ACVR1: variants seen among roughly 807,000 people sequenced by gnomAD.
ACVR1 encodes activin A receptor type 1, also known as activin receptor type-1.
In ACVR1, 38 loss-of-function variants were observed where a neutral mutation model predicts 57.1. The ratio of observed to expected loss-of-function variants is 0.67; its 90% CI spans 0.51 to 0.87. ACVR1 has a LOEUF of 0.87. ACVR1 is among the 40% of genes least tolerant of loss of function. The probability of loss-of-function intolerance (pLI) is 0.00; values close to 1 mark genes in which losing one functional copy is unlikely to be tolerated. For missense variants in ACVR1, 463 were observed against 638.2 expected, an observed-to-expected ratio of 0.73 and a Z score of 2.96; for synonymous variants, 212 against 228.1, an observed-to-expected ratio of 0.93 and a Z score of 0.63.
intron 1 of ACVR1, among the ~76,000 whole-genome samples, chr2:157,863,494 C>T (rs1438167812): frequency 3.3e-5 from 5 of 150,394 alleles, no homozygotes; most frequent in African/African-American, 9.8e-5. Flanking sequence ...GTCAGGAGTT[C>T]GAGACCAGCC....
rs371113403 is a variant in ACVR1, at chr2:157,785,887, C to T, written c.68-5287G>A. Among the ~76,000 whole-genome samples, 127 of 152,302 alleles carry T rather than the reference C, an allele frequency of 8.3e-4. 1 individual carries two copies. Among genetic ancestry groups the T allele is most frequent in the African/African-American group, 3.0e-3 (126 of 41,562 alleles). ...TTCAGATACACAAGCCTGACTCTCT[C>T]GGGCTTCCATCACACTCAAAGTAGA... On this transcript the variant is annotated intron_variant, in intron 3 of 10. Transcript: ENST00000434821.
chr2:157,815,794 C>T (rs895349232), intron 2 of ACVR1, among the ~76,000 whole-genome samples: 5 of 152,180 alleles, frequency 3.3e-5, no homozygotes, highest in African/African-American at 1.2e-4. Context: ...AAAAATTTCA[C>T]AAAACTGACA....
intron 1 of ACVR1, among the ~76,000 whole-genome samples, chr2:157,851,938 G>C (rs1330527419): frequency 9.0e-6 from 1 of 111,112 alleles, no homozygotes; most frequent in Non-Finnish European, 1.7e-5. Context: ...CCCAGTCCTG[G>C]CATTTGGTAG....
intron 9 of ACVR1, among the ~76,000 whole-genome samples, chr2:157,744,535 C>T (rs1684889346): frequency 6.6e-6 from 1 of 152,150 alleles, no homozygotes; most frequent in African/African-American, 2.4e-5. Flanking sequence ...ACAAAATTAA[C>T]TTTGAAAAGA....
chr2:157,776,149 TC>T (rs1305869677), intron 5 of ACVR1, among the ~76,000 whole-genome samples: 2 of 152,264 alleles, frequency 1.3e-5, no homozygotes, highest in Non-Finnish European at 2.9e-5. Flanking sequence ...TAAATAGTGT[TC>T]TTTACTGTGT....
intron 3 of ACVR1, among the ~76,000 whole-genome samples, chr2:157,782,092 A>C (rs1396141401): frequency 2.6e-5 from 4 of 152,190 alleles, no homozygotes; most frequent in Non-Finnish European, 5.9e-5. Context: ...TGTCAAGTTC[A>C]TTTACACAGA....
chr2:157,792,545 G>C (rs1686957126), intron 3 of ACVR1, among the ~76,000 whole-genome samples: 1 of 152,216 alleles, frequency 6.6e-6, no homozygotes, highest in African/African-American at 2.4e-5. Context: ...TCAGGTGTCA[G>C]AGCTGTCACA....
chr2:157,770,546 C>T (rs960419183), intron 6 of ACVR1, 32 bp from the exon 7 acceptor site: 4 of 1,613,464 alleles, frequency 2.5e-6, no homozygotes, highest in African/African-American at 2.7e-5. Context: ...TGACACAGAA[C>T]AGTAGTCATT....
intron 1 of ACVR1, among the ~76,000 whole-genome samples, chr2:157,868,875 C>T (rs188764414): frequency 1.6e-4 from 25 of 152,168 alleles, no homozygotes; most frequent in Middle Eastern, 6.8e-3. Flanking sequence ...ACAAAGAAGA[C>T]GGGAAAAGAT....
chr2:157,811,983 T>C (rs1687768334), intron 2 of ACVR1, among the ~76,000 whole-genome samples: 1 of 152,248 alleles, frequency 6.6e-6, no homozygotes, highest in South Asian at 2.1e-4. Flanking sequence ...GACTAGAATT[T>C]TGTGTCAAAT....
chr2:157,782,935 C>T (rs1364167397), intron 3 of ACVR1, among the ~76,000 whole-genome samples: 8 of 152,206 alleles, frequency 5.3e-5, no homozygotes, highest in South Asian at 2.1e-4. Flanking sequence ...AAGGGGTTAG[C>T]ACTGGGATGA....
At chr2:157,855,336 ACACAC>A (rs749511829) in intron 1 of ACVR1, among the ~76,000 whole-genome samples, 80 of 141,178 alleles carry the variant, frequency 5.7e-4, no homozygotes, top group African/African-American at 1.9e-3. Context: ...ACACACACAC[ACACAC>A]ACACAAAAAT....
intron 8 of ACVR1, among the ~76,000 whole-genome samples, chr2:157,763,060 T>C (rs11887697): frequency 0.013 from 1,981 of 152,324 alleles, 15 homozygotes; most frequent in Middle Eastern, 0.037. Flanking sequence ...TAATAAGTAA[T>C]TTTTACACTA....
chr2:157,778,097 T>C lies in ACVR1; in HGVS notation c.543+34A>G, dbSNP rs146579131. On this transcript the variant is annotated intron_variant, in intron 5 of 10. Transcript: ENST00000434821. ...AGAACGTGTCTCCAGACACCTTCCT[T>C]ATGCTTGGGATTTCCTGTGGGGTCA... 381 of 1,608,890 alleles carry C rather than the reference T, an allele frequency of 2.4e-4. 1 individual carries two copies. Among genetic ancestry groups the C allele is most frequent in the Middle Eastern group, 3.8e-4 (2 of 5,298 alleles).
intron 1 of ACVR1, among the ~76,000 whole-genome samples, chr2:157,858,275 C>T (rs1300042435): frequency 1.3e-5 from 2 of 152,152 alleles, no homozygotes; most frequent in South Asian, 2.1e-4. Context: ...CAGGCTGTTC[C>T]CAGACTCTTC....
intron 6 of ACVR1, among the ~76,000 whole-genome samples, chr2:157,772,485 T>C (rs1032436511): frequency 2.0e-5 from 3 of 152,106 alleles, no homozygotes; most frequent in Non-Finnish European, 2.9e-5. Flanking sequence ...CCCAAGAAAA[T>C]GCAATAATGA....
At chr2:157,835,238 G>C (rs1412600554) in intron 1 of ACVR1, among the ~76,000 whole-genome samples, 2 of 152,130 alleles carry the variant, frequency 1.3e-5, no homozygotes, top group African/African-American at 4.8e-5. Flanking sequence ...CCAGAACTGA[G>C]CCAGTTAGAA....
At chr2:157,771,358 G>C (rs1192399399) in intron 6 of ACVR1, among the ~76,000 whole-genome samples, 1 of 152,192 alleles carries the variant, frequency 6.6e-6, no homozygotes, top group South Asian at 2.1e-4. Context: ...GCCCCCTCTT[G>C]CAGCAGCAAC....
chr2:157,745,484 T>G (rs1276929042), intron 9 of ACVR1, among the ~76,000 whole-genome samples: 1 of 152,226 alleles, frequency 6.6e-6, no homozygotes, highest in East Asian at 1.9e-4. Context: ...TACTAGTCAG[T>G]AAACAGCAGC....
Sources: allele counts gnomAD v4.1 joint callset (sites outside exome capture counted in the v4.1 genomes callset), GRCh38; gene constraint gnomAD v4.1.1; transcripts MANE v1.5; gene names NCBI Gene and HGNC (gene_info 2026-07-23, HGNC 2026-07-21).